The following CYP3A43 variants were observed in gnomAD, a reference collection of about 807,000 sequenced individuals.
The protein encoded by CYP3A43 is cytochrome P450 3A43.
Under a neutral mutation model 58.0 loss-of-function variants are expected in CYP3A43, and 45 were observed. The ratio of observed to expected loss-of-function variants is 0.78; its 90% CI spans 0.61 to 0.99. CYP3A43 has a LOEUF of 0.99. Ranked by LOEUF, CYP3A43 falls within the 50% of genes least tolerant of loss-of-function variation. The pLI, the probability that CYP3A43 is intolerant of heterozygous loss-of-function variation, is 0.00. For synonymous variants in CYP3A43, 191 were observed against 201.4 expected (o/e 0.95, Z 0.44); for missense variants, 593 against 591.9 (o/e 1.00, Z -0.02).
At chr7:99,848,069 C>A in intron 5 of CYP3A43, 97 bp from the exon 6 acceptor site, 1 of 1,191,168 alleles carries the variant, frequency 8.4e-7, no homozygotes, top group Non-Finnish European at 1.2e-6. Flanking sequence ...CATGGTGAGT[C>A]ATTACAAAAT....
At chr7:99,858,604 A>C (rs1262795364) in intron 9 of CYP3A43, among the ~76,000 whole-genome samples, 1 of 151,810 alleles carries the variant, frequency 6.6e-6, no homozygotes, top group African/African-American at 2.4e-5. Flanking sequence ...ACTAGACCCT[A>C]TTGTTTTTAT....
At chr7:99,836,303 T>C (rs1817074619) in intron 1 of CYP3A43, 150 bp from the exon 2 acceptor site, 1 of 638,960 alleles carries the variant, frequency 1.6e-6, no homozygotes, top group Admixed American at 2.8e-5. Flanking sequence ...CTATAAAATG[T>C]AATTATTGCC....
At position 99,861,659 on chromosome 7, in the gene CYP3A43, T is replaced by C. The variant is rs1396068182; in HGVS notation, c.1073T>C (p.Met358Thr). The C allele has an allele frequency of 1.2e-6, 2 of 1,614,016 alleles. No homozygotes were observed. The highest frequency in any genetic ancestry group is 2.7e-5 in the African/African-American group (2 of 74,912). Residue 358 changes from methionine (M) to threonine (T), a missense_variant, in exon 11 of 13, where the codon ATG becomes ACG. Transcript: ENST00000354829. The part of the protein sequence containing the change: ...DALVQMEYLD[M>T]VVNETLRLFP... Reference sequence around the variant, plus strand: ...CTGGTACAGATGGAGTACCTTGACATGGTGGTGAATGAAACGCTCAGATTA... The same window carrying C: ...CTGGTACAGATGGAGTACCTTGACACGGTGGTGAATGAAACGCTCAGATTA...
intron 3 of CYP3A43, 38 bp from the exon 4 acceptor site, chr7:99,844,104 GC>G (rs759982334): frequency 1.3e-6 from 2 of 1,528,052 alleles, no homozygotes; most frequent in South Asian, 2.4e-5. Context: ...GCAGAATCAG[GC>G]AAGCGAGGTT....
Position 99,865,886 on chromosome 7 carries a change from T to G in CYP3A43, c.1417-20T>G. On this transcript the variant is annotated intron_variant, in intron 12 of 12. Transcript: ENST00000354829. ...TCATTTGCTTCATTGTTTCTGAATA[T>G]TCTTGTTTAACTTTTGCAGATCCCA... 6.7e-7 allele frequency: 1 copy of G among 1,499,778 alleles called. No individual in the cohort carries two copies. Among genetic ancestry groups the G allele is most frequent in the Non-Finnish European group, 8.9e-7 (1 of 1,117,786 alleles). The allele number at this position is 1,499,778 out of a possible 1,614,324, so 92.9% of individuals were successfully genotyped here. A position where few individuals can be genotyped will look rare whatever the true frequency, so the allele number is the denominator to read the frequency against.
chr7:99,834,285 T>C (rs1247206788), intron 1 of CYP3A43, among the ~76,000 whole-genome samples: 1 of 152,180 alleles, frequency 6.6e-6, no homozygotes, highest in African/African-American at 2.4e-5. Flanking sequence ...TGACCTTTCT[T>C]GCACCTAGGT....
At position 99,830,498 on chromosome 7, in the gene CYP3A43, A is replaced by G. The variant is rs376348383; in HGVS notation, c.71+2312A>G. On this transcript the variant is annotated intron_variant, in intron 1 of 12. Coordinates refer to ENST00000354829, the MANE Select transcript of CYP3A43 (RefSeq NM_057095.3). ...GCGCCATTGCACTCTAGCCTGAACA[A>G]CAAGAGCAAAACTTAGTCTAAAAGA... is the stretch of plus-strand genomic sequence containing the variant. 5.9e-5 allele frequency among the ~76,000 whole-genome samples: 9 copies of G among 152,318 alleles called. No homozygotes were observed. In the East Asian group the frequency reaches 1.3e-3, roughly 23 times the overall value.
intron 7 of CYP3A43, among the ~76,000 whole-genome samples, chr7:99,850,935 G>A (rs1817737847): frequency 6.6e-6 from 1 of 152,040 alleles, no homozygotes; most frequent in African/African-American, 2.4e-5. Context: ...TTGGGAGGCC[G>A]AGGTGGGCAG....
intron 4 of CYP3A43, among the ~76,000 whole-genome samples, chr7:99,846,202 T>C (rs1448555955): frequency 6.6e-6 from 1 of 152,366 alleles, no homozygotes; most frequent in African/African-American, 2.4e-5. Context: ...CTTTACTACA[T>C]TGAGTCTTTC....
chr7:99,838,915 G>T, intron 2 of CYP3A43: 1 of 629,280 alleles, frequency 1.6e-6, no homozygotes, highest in Non-Finnish European at 2.7e-6. Context: ...AGAAGGCAGA[G>T]GTTGCAATGA....
chr7:99,841,106 G>A (rs775916997), intron 3 of CYP3A43, among the ~76,000 whole-genome samples: 1 of 152,122 alleles, frequency 6.6e-6, no homozygotes, highest in African/African-American at 2.4e-5. Flanking sequence ...CTTGAGATCC[G>A]TCTCCACATA....
Position 99,859,949 on chromosome 7 carries a change from C to A in CYP3A43, c.985C>A (p.Gln329Lys), listed in dbSNP as rs749559989. Reference sequence around the variant, plus strand: ...ACTGGCCACTCACCCTGATGTCCAGCAGAAACTGCAGGAGGAGATTGACGC... The same window carrying A: ...ACTGGCCACTCACCCTGATGTCCAGAAGAAACTGCAGGAGGAGATTGACGC... ...YELATHPDVQ[Q>K]KLQEEIDAVL... The change falls in exon 10 of 13, where the codon CAG (glutamine) becomes AAG (lysine). Residue 329 changes from glutamine to lysine, a missense_variant. Gln to Lys is a moderately conservative substitution (Grantham distance 53). Coordinates refer to ENST00000354829, the MANE Select transcript of CYP3A43 (RefSeq NM_057095.3). 2.0e-5 allele frequency: 32 copies of A among 1,612,576 alleles called. No homozygotes were observed. Among genetic ancestry groups the A allele is most frequent in the Non-Finnish European group, 2.7e-5 (32 of 1,179,306 alleles).
chr7:99,855,398 T>C, intron 7 of CYP3A43, 193 bp from the exon 8 acceptor site: 3 of 603,898 alleles, frequency 5.0e-6, no homozygotes, highest in Non-Finnish European at 8.1e-6. Context: ...TATGTGTGGA[T>C]CTGCTCTTGC....
chr7:99,837,187 C>T (rs13236405), intron 2 of CYP3A43, among the ~76,000 whole-genome samples: 2,636 of 148,442 alleles, frequency 0.018, 27 homozygotes, highest in Non-Finnish European at 0.024. Flanking sequence ...GGCGCAGTGG[C>T]GGGCGCCTGT....
At chr7:99,834,091 C>G (rs796907037) in intron 1 of CYP3A43, among the ~76,000 whole-genome samples, 1 of 152,220 alleles carries the variant, frequency 6.6e-6, no homozygotes, top group East Asian at 1.9e-4. Flanking sequence ...TTTTCACATA[C>G]TCTTCCTTCT....
chr7:99,844,131 T>C lies in CYP3A43; in HGVS notation c.219-12T>C. On this transcript the variant is annotated splice_polypyrimidine_tract_variant and intron_variant, in intron 3 of 12. Coordinates refer to ENST00000354829, the MANE Select transcript of CYP3A43 (RefSeq NM_057095.3). ...AAGCGAGGTTTAGTCAGCTCTGTTT[T>C]CCCCCACACAGGCTGTATGAGGGGC... 3.7e-6 allele frequency: 6 copies of C among 1,604,576 alleles called. No individual in the cohort carries two copies. Among genetic ancestry groups the C allele is most frequent in the Admixed American group, 1.7e-5 (1 of 58,326 alleles).
At chr7:99,857,764 A>G (rs1357099960) in intron 9 of CYP3A43, among the ~76,000 whole-genome samples, 4 of 152,130 alleles carry the variant, frequency 2.6e-5, no homozygotes, top group Non-Finnish European at 4.4e-5. Flanking sequence ...AATCACTTGA[A>G]CCAGGGAGGC....
At chr7:99,843,150 A>G (rs1340213972) in intron 3 of CYP3A43, among the ~76,000 whole-genome samples, 1 of 152,208 alleles carries the variant, frequency 6.6e-6, no homozygotes, top group Non-Finnish European at 1.5e-5. Context: ...TTCACATGCA[A>G]AATGCAGATT....
intron 7 of CYP3A43, among the ~76,000 whole-genome samples, chr7:99,852,313 C>A (rs953993578): frequency 6.6e-6 from 1 of 152,140 alleles, no homozygotes; most frequent in Non-Finnish European, 1.5e-5. Context: ...ATTTTAAAAT[C>A]AACTTGTCAA....
Sources: gnomAD v4.1 joint callset for allele counts (sites outside exome capture counted in the v4.1 genomes callset) on GRCh38, gnomAD v4.1.1 for gene constraint, MANE v1.5 for transcripts, NCBI Gene and HGNC (gene_info 2026-07-23, HGNC 2026-07-21) for gene names.